SLC36A1: variants seen among roughly 807,000 people sequenced by gnomAD.
The protein encoded by SLC36A1 is solute carrier family 36 member 1.
In SLC36A1, 30 loss-of-function variants were observed where a neutral mutation model predicts 47.5. The ratio of observed to expected loss-of-function variants is 0.63; its 90% CI spans 0.47 to 0.86. The LOEUF (loss-of-function observed/expected upper bound fraction) is 0.86. SLC36A1 is among the 40% of genes least tolerant of loss of function. SLC36A1 has a pLI of 0.00. For missense variants in SLC36A1, 517 were observed against 606.0 expected, an observed-to-expected ratio of 0.85 and a Z score of 1.54; for synonymous variants, 255 against 249.7, an observed-to-expected ratio of 1.02 and a Z score of -0.20.
chr5:151,382,206 G>A, the SLC36A1 span: 13 of 1,223,116 alleles, frequency 1.1e-5, 2 homozygotes, highest in South Asian at 1.6e-4. Flanking sequence ...GATGTCCTGG[G>A]TGAACCTCAT....
chr5:151,397,764 C>CAA, the SLC36A1 span, among the ~76,000 whole-genome samples: 991 of 43,442 alleles, frequency 0.023, 20 homozygotes, highest in African/African-American at 0.046. Flanking sequence ...AACTCCAACT[C>CAA]AAAAAAAAAA....
chr5:151,359,353 C>T, the SLC36A1 span, among the ~76,000 whole-genome samples: 1 of 152,190 alleles, frequency 6.6e-6, no homozygotes, highest in Non-Finnish European at 1.5e-5. Flanking sequence ...AAAACATAAG[C>T]TTATAGTTAG....
In SLC36A1 at chr5:151,465,075, C is replaced by A; in HGVS notation, c.325C>A (p.Leu109Met). The stretch of plus-strand genomic sequence containing the variant: ...TCCTCTTCCCTCCTACTCTTCCAGG[C>A]TGAATAAATCCTTTGTGGATTATGG... ...VKCAHHFCRR[L>M]NKSFVDYGDT... The change falls in exon 5 of 11, where the codon CTG becomes ATG. Residue 109 changes from leucine to methionine, a missense_variant and splice_region_variant. Physicochemically the swap from Leu to Met is conservative, Grantham distance 15. Coordinates refer to ENST00000243389, the MANE Select transcript of SLC36A1 (RefSeq NM_078483.4). The A allele has an allele frequency of 1.2e-6, 2 of 1,612,552 alleles. No homozygotes were observed. The highest frequency in any genetic ancestry group is 1.7e-6 in the Non-Finnish European group (2 of 1,178,528).
At chr5:151,451,470 C>T (rs570437143) in intron 1 of SLC36A1, among the ~76,000 whole-genome samples, 2 of 152,252 alleles carry the variant, frequency 1.3e-5, no homozygotes, top group Admixed American at 1.3e-4. Context: ...CTTAGATCAC[C>T]ATCTCCAAGG....
At chr5:151,532,063 G>A in the SLC36A1 span, 120 of 1,512,832 alleles carry the variant, frequency 7.9e-5, no homozygotes, top group African/African-American at 1.6e-3. Context: ...GGGCTGGGGA[G>A]GGGCTCCCAT....
chr5:151,553,484 C>G, the SLC36A1 span: 1 of 1,032,514 alleles, frequency 9.7e-7, no homozygotes. Flanking sequence ...TGATTCTGAC[C>G]AAGCAGGCCT....
chr5:151,433,812 A>G (rs1354057069), upstream of SLC36A1, among the ~76,000 whole-genome samples: 3 of 152,020 alleles, frequency 2.0e-5, no homozygotes, highest in Admixed American at 6.6e-5. Context: ...GGAGCTGAGG[A>G]CCTCTTCCTC....
At chr5:151,415,684 T>A in the SLC36A1 span, among the ~76,000 whole-genome samples, 1 of 152,210 alleles carries the variant, frequency 6.6e-6, no homozygotes, top group African/African-American at 2.4e-5. Context: ...GTCTCTATTT[T>A]CCTAGCACAC....
At chr5:151,550,375 G>C in the SLC36A1 span, among the ~76,000 whole-genome samples, 1 of 152,164 alleles carries the variant, frequency 6.6e-6, no homozygotes, top group Admixed American at 6.5e-5. Flanking sequence ...GAAAGCTGAG[G>C]TTGACAGGAG....
In SLC36A1 at chr5:151,458,779, T is replaced by TC. The variant is rs1479467994; in HGVS notation, c.-5-3dup. The TC allele has an allele frequency of 1.1e-5, 17 of 1,611,776 alleles. No individual in the cohort carries two copies. Among genetic ancestry groups the TC allele is most frequent in the Non-Finnish European group, 1.4e-5 (16 of 1,178,732 alleles). On this transcript the variant is annotated splice_polypyrimidine_tract_variant and intron_variant, in intron 1 of 10. Transcript: ENST00000243389. ...GCAGGAGGTCTTAATGCTGGCCCTG[T>TC]CCCCCCAGCTGCCATGTCCACGCAG...
At chr5:151,403,399 C>T in the SLC36A1 span, among the ~76,000 whole-genome samples, 2 of 152,114 alleles carry the variant, frequency 1.3e-5, no homozygotes, top group African/African-American at 4.8e-5. Flanking sequence ...GTACCATCCC[C>T]TTGGTACTAC....
chr5:151,384,942 T>C, the SLC36A1 span, among the ~76,000 whole-genome samples: 6 of 151,824 alleles, frequency 4.0e-5, 1 homozygote, highest in South Asian at 4.1e-4. Context: ...ACTTGTTTTA[T>C]TAGGCAATTT....
chr5:151,492,561 AT>A (rs199936234), downstream of SLC36A1, among the ~76,000 whole-genome samples: 2 of 150,088 alleles, frequency 1.3e-5, no homozygotes, highest in African/African-American at 4.9e-5. Flanking sequence ...ATGGTTTTTT[AT>A]TTTTTTTTCT....
chr5:151,530,830 AGATGATTACT>A, the SLC36A1 span, among the ~76,000 whole-genome samples: 1 of 152,140 alleles, frequency 6.6e-6, no homozygotes, highest in Non-Finnish European at 1.5e-5. Flanking sequence ...TGGTCTCTGC[AGATGATTACT>A]GAAGCTGGGT....
chr5:151,511,937 T>G, the SLC36A1 span: 4 of 564,412 alleles, frequency 7.1e-6, no homozygotes, highest in African/African-American at 7.5e-5. Flanking sequence ...ATTCATATCC[T>G]CCCTCATCCC....
At chr5:151,544,615 A>G in the SLC36A1 span, 2 of 1,614,072 alleles carry the variant, frequency 1.2e-6, no homozygotes, top group South Asian at 1.1e-5. Flanking sequence ...AGGACTCTGA[A>G]ACAGTGGGTT....
the SLC36A1 span, among the ~76,000 whole-genome samples, chr5:151,362,231 A>G: frequency 9.9e-5 from 15 of 152,076 alleles, no homozygotes; most frequent in Non-Finnish European, 1.6e-4. Context: ...ATTTTTTAAT[A>G]TCTTGTAGAC....
chr5:151,378,859 G>A, the SLC36A1 span, among the ~76,000 whole-genome samples: 6 of 152,228 alleles, frequency 3.9e-5, no homozygotes, highest in Non-Finnish European at 7.3e-5. Context: ...CAGCCACCTG[G>A]GCCTGAGGGC....
chr5:151,359,996 C>T, the SLC36A1 span, among the ~76,000 whole-genome samples: 2 of 152,026 alleles, frequency 1.3e-5, no homozygotes, highest in East Asian at 3.8e-4. Context: ...TTTGCATACA[C>T]GTTTTTTGTG....
Sources: allele counts gnomAD v4.1 joint callset (sites outside exome capture counted in the v4.1 genomes callset), GRCh38; gene constraint gnomAD v4.1.1; transcripts MANE v1.5; gene names NCBI Gene and HGNC (gene_info 2026-07-23, HGNC 2026-07-21).